Variants in NDE1 observed in about 807,000 individuals in gnomAD.
NDE1 encodes the protein nuclear distribution protein nudE homolog 1.
Under a neutral mutation model 43.4 loss-of-function variants are expected in NDE1, and 28 were observed. The observed-to-expected ratio is 0.65, with a 90% CI of 0.48 to 0.89. NDE1 has a LOEUF of 0.89. Ranked by LOEUF, NDE1 falls within the 40% of genes least tolerant of loss-of-function variation. The probability of loss-of-function intolerance (pLI) is 0.00; values close to 1 mark genes in which losing one functional copy is unlikely to be tolerated. For synonymous variants in NDE1, 184 were observed against 172.0 expected (o/e 1.07, Z -0.55); for missense variants, 441 against 434.1 (o/e 1.02, Z -0.14).
intron 5 of NDE1, among the ~76,000 whole-genome samples, chr16:15,690,122 T>A (rs1391373673): frequency 6.6e-6 from 1 of 151,654 alleles, no homozygotes; most frequent in Non-Finnish European, 1.5e-5. Flanking sequence ...CTCACTGCAC[T>A]CACTGCTTGT....
chr16:15,676,656 C>G (rs2037896964), intron 3 of NDE1, among the ~76,000 whole-genome samples: 1 of 151,882 alleles, frequency 6.6e-6, no homozygotes, highest in African/African-American at 2.4e-5. Context: ...TGGGCACAAA[C>G]AACGGACGTC....
chr16:15,673,259 G>C (rs940219488), intron 3 of NDE1, among the ~76,000 whole-genome samples: 1 of 151,992 alleles, frequency 6.6e-6, no homozygotes, highest in Non-Finnish European at 1.5e-5. Flanking sequence ...ACCCAAGCTG[G>C]AGTGCAGGGG....
At chr16:15,671,868 A>AT (rs1024002744) in intron 3 of NDE1, among the ~76,000 whole-genome samples, 1 of 151,692 alleles carries the variant, frequency 6.6e-6, no homozygotes, top group Non-Finnish European at 1.5e-5. Flanking sequence ...AATTTTTGTT[A>AT]TTTTTTGTAG....
At position 15,718,131 on chromosome 16, in the gene NDE1, T is replaced by A; in HGVS notation, c.948-6060T>A. The A allele has an allele frequency of 3.2e-6, 3 of 929,946 alleles. No individual in the cohort carries two copies. The South Asian group carries it at 4.5e-5, about 14-fold the overall frequency. 57.6% of individuals were successfully genotyped at this position (929,946 alleles called of 1,614,324 possible). On this transcript the variant is annotated intron_variant, in intron 8 of 8. Transcript: ENST00000396354. Reference sequence around the variant, plus strand: ...CACTGCAGCGTGGAGAGGAGTATTCTGAAGACAGCAGCCTGGGCACTGGTG... The same window carrying A: ...CACTGCAGCGTGGAGAGGAGTATTCAGAAGACAGCAGCCTGGGCACTGGTG...
At chr16:15,672,579 C>T (rs2037651058) in intron 3 of NDE1, 1 of 152,322 alleles carries the variant, frequency 6.6e-6, no homozygotes, top group East Asian at 1.9e-4. Flanking sequence ...ATGAAAAAGC[C>T]TTTAAGGGAC....
At chr16:15,689,673 C>T (rs1443693599) in intron 5 of NDE1, among the ~76,000 whole-genome samples, 2 of 152,170 alleles carry the variant, frequency 1.3e-5, no homozygotes, top group African/African-American at 4.8e-5. Flanking sequence ...GGCGCAGTGG[C>T]TCACGCCTGT....
rs768140376 is a variant in NDE1, at chr16:15,704,041, C to G, written c.947+7181C>G. The G allele has an allele frequency of 7.4e-5, 119 of 1,613,962 alleles. No homozygotes were observed. Among genetic ancestry groups the G allele is most frequent in the Non-Finnish European group, 9.2e-5 (109 of 1,180,026 alleles). ...AAGTCTGCGTCTCGAGTGTCCGTTT[C>G]CTCCTCAGAACCATCTGCATTTTCA... On this transcript the variant is annotated intron_variant, in intron 8 of 8. Transcript: ENST00000396354.
chr16:15,719,171 T>A (rs1567691274), intron 8 of NDE1: 1 of 1,530,774 alleles, frequency 6.5e-7, no homozygotes, highest in Non-Finnish European at 9.0e-7. Context: ...ATGCTGCCTG[T>A]CCCCCCATCC....
chr16:15,704,173 G>C (rs1449840751), intron 8 of NDE1: 12 of 1,607,962 alleles, frequency 7.5e-6, no homozygotes, highest in South Asian at 3.3e-5. Context: ...CTTCATGGTT[G>C]GGATAGATTT....
At chr16:15,648,662 G>T (rs1243186420), upstream of NDE1, among the ~76,000 whole-genome samples, 1 of 151,712 alleles carries the variant, frequency 6.6e-6, no homozygotes, top group Non-Finnish European at 1.5e-5. Flanking sequence ...CAAAAAATTA[G>T]CTGGGCGTAA....
intron 1 of NDE1, among the ~76,000 whole-genome samples, chr16:15,654,114 T>C (rs1345211083): frequency 2.0e-5 from 3 of 152,296 alleles, no homozygotes; most frequent in Admixed American, 6.5e-5. Context: ...TTTGTCATTG[T>C]TCCTTGCATG....
At chr16:15,718,761 C>T (rs549978479) in intron 8 of NDE1, 19 of 462,722 alleles carry the variant, frequency 4.1e-5, no homozygotes, top group African/African-American at 2.5e-4. Context: ...GGCATGAAAG[C>T]GCTGACGGAA....
intron 4 of NDE1, among the ~76,000 whole-genome samples, chr16:15,681,567 A>C (rs2038185988): frequency 6.6e-6 from 1 of 151,842 alleles, no homozygotes; most frequent in African/African-American, 2.4e-5. Flanking sequence ...GGCCTTTGGC[A>C]TATTTTAAAA....
intron 8 of NDE1, chr16:15,718,716 T>C (rs933706887): frequency 3.9e-5 from 21 of 540,240 alleles, no homozygotes; most frequent in South Asian, 1.7e-4. Context: ...CAGCTACTTA[T>C]TGGGAATGAA....
intron 8 of NDE1, among the ~76,000 whole-genome samples, chr16:15,700,793 G>T (rs752149087): frequency 1.3e-5 from 2 of 151,970 alleles, no homozygotes; most frequent in African/African-American, 2.4e-5. Context: ...CCAAGTCTCC[G>T]TAAATGTGGG....
chr16:15,649,629 G>A (rs1174639351), upstream of NDE1, among the ~76,000 whole-genome samples: 1 of 152,098 alleles, frequency 6.6e-6, no homozygotes, highest in Non-Finnish European at 1.5e-5. Flanking sequence ...GACCCATAAT[G>A]GCGTTTTATA....
At chr16:15,703,347 T>C in intron 8 of NDE1, 1 of 232,872 alleles carries the variant, frequency 4.3e-6, no homozygotes, top group Non-Finnish European at 8.5e-6. Flanking sequence ...GTTGGAAAGG[T>C]TTGCAGGTTA....
At chr16:15,703,560 A>T (rs2039297036) in intron 8 of NDE1, 3 of 335,548 alleles carry the variant, frequency 8.9e-6, no homozygotes, top group Admixed American at 9.0e-5. Context: ...ACAAACTTCA[A>T]TTTTTACCTT....
chr16:15,717,729 G>A (rs1023870411), intron 8 of NDE1: 1 of 328,306 alleles, frequency 3.0e-6, no homozygotes, highest in Non-Finnish European at 5.8e-6. Flanking sequence ...TTGGGAGGCA[G>A]AGGTTGCAGT....
Sources: gnomAD v4.1 joint callset for allele counts (sites outside exome capture counted in the v4.1 genomes callset) on GRCh38, gnomAD v4.1.1 for gene constraint, MANE v1.5 for transcripts, NCBI Gene and HGNC (gene_info 2026-07-23, HGNC 2026-07-21) for gene names.